The following SMAD3 variants were observed in gnomAD, a reference collection of about 807,000 sequenced individuals.
SMAD3 encodes the protein SMAD family member 3.
Under a neutral mutation model 51.8 loss-of-function variants are expected in SMAD3, and 12 were observed. The ratio of observed to expected loss-of-function variants is 0.23; its 90% CI spans 0.15 to 0.38. The LOEUF (loss-of-function observed/expected upper bound fraction) is 0.38. Among genes scored for constraint, SMAD3 ranks in the 10% least tolerant of loss-of-function variants. The pLI, the probability that SMAD3 is intolerant of heterozygous loss-of-function variation, is 1.00. For missense variants in SMAD3, 294 were observed against 565.6 expected, an observed-to-expected ratio of 0.52 and a Z score of 4.87; for synonymous variants, 238 against 227.7, an observed-to-expected ratio of 1.05 and a Z score of -0.41.
chr15:67,091,904 A>G (rs965100972), intron 1 of SMAD3, among the ~76,000 whole-genome samples: 6 of 152,178 alleles, frequency 3.9e-5, no homozygotes, highest in East Asian at 1.9e-4. Flanking sequence ...AGAAGCCACA[A>G]TGGGAAGGTG....
At chr15:67,110,530 G>A (rs1960989972) in intron 1 of SMAD3, among the ~76,000 whole-genome samples, 1 of 152,188 alleles carries the variant, frequency 6.6e-6, no homozygotes. Context: ...TCATAGTGTT[G>A]TTGTGAGGCT....
rs767715050 is a variant in SMAD3, at chr15:67,104,696, G to A, written c.206+38336G>A. ...AGTTTACACTGGATCACTATACTCC[G>A]TGTTATCTTGTTTCCCCGATGGTCA... is the stretch of plus-strand genomic sequence containing the variant. On this transcript the variant is annotated intron_variant, in intron 1 of 8. Coordinates refer to ENST00000327367, the MANE Select transcript of SMAD3 (RefSeq NM_005902.4). Among the ~76,000 whole-genome samples the A allele has an allele frequency of 2.6e-5, 4 of 152,262 alleles. 1 individual carries two copies. Among genetic ancestry groups the A allele is most frequent in the Non-Finnish European group, 5.9e-5 (4 of 68,050 alleles).
intron 1 of SMAD3, among the ~76,000 whole-genome samples, chr15:67,073,170 A>G (rs1328425363): frequency 1.3e-5 from 2 of 152,202 alleles, no homozygotes; most frequent in African/African-American, 2.4e-5. Flanking sequence ...TGACTTGACA[A>G]GGATCTCTCT....
intron 1 of SMAD3, among the ~76,000 whole-genome samples, chr15:67,159,181 C>T (rs1237677148): frequency 6.6e-6 from 1 of 152,056 alleles, no homozygotes; most frequent in African/African-American, 2.4e-5. Context: ...AGCAATCCTC[C>T]CATCTCAGCC....
At chr15:67,105,914 C>T (rs978186109) in intron 1 of SMAD3, among the ~76,000 whole-genome samples, 1 of 152,188 alleles carries the variant, frequency 6.6e-6, no homozygotes, top group African/African-American at 2.4e-5. Context: ...CCCTCCCTGC[C>T]GTCTGCACAG....
At chr15:67,118,868 C>G (rs1961194725) in intron 1 of SMAD3, among the ~76,000 whole-genome samples, 1 of 152,210 alleles carries the variant, frequency 6.6e-6, no homozygotes, top group African/African-American at 2.4e-5. Context: ...GTCCCTTGAG[C>G]TCAGGGACAT....
At chr15:67,122,442 G>T (rs978160922) in intron 1 of SMAD3, among the ~76,000 whole-genome samples, 3 of 152,130 alleles carry the variant, frequency 2.0e-5, no homozygotes, top group Non-Finnish European at 4.4e-5. Context: ...GTAATCCTTT[G>T]GCCCATTTCC....
intron 1 of SMAD3, among the ~76,000 whole-genome samples, chr15:67,083,500 G>GT (rs1595889832): frequency 6.6e-6 from 1 of 152,160 alleles, no homozygotes; most frequent in Admixed American, 6.5e-5. Context: ...TGGCCACTGT[G>GT]TTTTTTTATT....
At chr15:67,148,690 G>A (rs926300442) in intron 1 of SMAD3, among the ~76,000 whole-genome samples, 6 of 152,212 alleles carry the variant, frequency 3.9e-5, no homozygotes, top group South Asian at 2.1e-4. Flanking sequence ...AGTAATGTGC[G>A]TCTGTGGATC....
At chr15:67,066,525 T>TG (rs1011275693) in intron 1 of SMAD3, among the ~76,000 whole-genome samples, 165 bp downstream of exon 1, 9 of 151,122 alleles carry the variant, frequency 6.0e-5, no homozygotes, top group African/African-American at 9.8e-5. Flanking sequence ...AGGAAGGGGG[T>TG]GGGGGGACCC....
intron 3 of SMAD3, among the ~76,000 whole-genome samples, chr15:67,165,742 G>A (rs528009468): frequency 1.3e-5 from 2 of 152,342 alleles, no homozygotes; most frequent in Non-Finnish European, 2.9e-5. Context: ...CTGCAGAGGC[G>A]GGGAGTGAGC....
chr15:67,170,622 C>A lies in SMAD3; in HGVS notation c.658+18C>A, dbSNP rs1057521458. ...TAACTTGGGTGAGTATCTCCTTGTG[C>A]ACACAACTGGAACCCCCTCTAGCTG... On this transcript the variant is annotated intron_variant, in intron 5 of 8. Coordinates refer to ENST00000327367, the MANE Select transcript of SMAD3 (RefSeq NM_005902.4). 4.3e-6 allele frequency: 7 copies of A among 1,610,588 alleles called. No homozygotes were observed. The highest frequency in any genetic ancestry group is 5.9e-6 in the Non-Finnish European group (7 of 1,176,884).
chr15:67,183,029 ATATTTT>A (rs1293323295), intron 6 of SMAD3, among the ~76,000 whole-genome samples: 28 of 48,106 alleles, frequency 5.8e-4, no homozygotes, highest in Admixed American at 4.0e-3. Flanking sequence ...ATATATATAT[ATATTTT>A]TTTTTTTTTT....
chr15:67,104,684 T>A (rs1960837529), intron 1 of SMAD3, among the ~76,000 whole-genome samples: 1 of 152,268 alleles, frequency 6.6e-6, no homozygotes, highest in Non-Finnish European at 1.5e-5. Flanking sequence ...TTACACTGGA[T>A]CACTATACTC....
At chr15:67,163,944 TAAAAAAAAAAAAA>T (rs57803788) in intron 1 of SMAD3, among the ~76,000 whole-genome samples, 3 of 87,918 alleles carry the variant, frequency 3.4e-5, no homozygotes, top group Non-Finnish European at 4.2e-5. Context: ...GTATCAAAAG[TAAAAAAAAAAAAA>T]AAAAAAAAAA....
chr15:67,099,808 C>A (rs1175424158), intron 1 of SMAD3, among the ~76,000 whole-genome samples: 1 of 152,228 alleles, frequency 6.6e-6, no homozygotes, highest in Non-Finnish European at 1.5e-5. Flanking sequence ...AATAATAGTA[C>A]TACAGTCTGT....
At chr15:67,108,479 T>C (rs1209847074) in intron 1 of SMAD3, among the ~76,000 whole-genome samples, 3 of 152,198 alleles carry the variant, frequency 2.0e-5, no homozygotes, top group African/African-American at 7.2e-5. Context: ...TAGTCCCATC[T>C]TGATCTCCAG....
At chr15:67,108,142 G>C (rs373069341) in intron 1 of SMAD3, among the ~76,000 whole-genome samples, 14 of 152,154 alleles carry the variant, frequency 9.2e-5, no homozygotes, top group South Asian at 2.1e-4. Context: ...CTCTCACTTG[G>C]CCTTGCCCTC....
intron 1 of SMAD3, among the ~76,000 whole-genome samples, chr15:67,100,563 A>G (rs1056340413): frequency 6.6e-6 from 1 of 152,156 alleles, no homozygotes; most frequent in Non-Finnish European, 1.5e-5. Context: ...TATTAATTAC[A>G]ATATTAATAT....
Sources: allele counts gnomAD v4.1 joint callset (sites outside exome capture counted in the v4.1 genomes callset), GRCh38; gene constraint gnomAD v4.1.1; transcripts MANE v1.5; gene names NCBI Gene and HGNC (gene_info 2026-07-23, HGNC 2026-07-21).